SEMA5A: variants seen among roughly 807,000 people sequenced by gnomAD.
SEMA5A encodes the protein semaphorin-5A.
In SEMA5A, 55 loss-of-function variants were observed where a neutral mutation model predicts 135.5. The observed-to-expected ratio is 0.41, with a 90% CI of 0.33 to 0.51. SEMA5A has a LOEUF of 0.51. Among genes scored for constraint, SEMA5A ranks in the 20% least tolerant of loss-of-function variants. SEMA5A has a pLI of 0.37. For synonymous variants in SEMA5A, 580 were observed against 546.5 expected, an observed-to-expected ratio of 1.06 and a Z score of -0.85; for missense variants, 1,290 against 1,419.9, an observed-to-expected ratio of 0.91 and a Z score of 1.47.
At chr5:9,480,012 A>G (rs1033175735) in intron 1 of SEMA5A, among the ~76,000 whole-genome samples, 1 of 152,210 alleles carries the variant, frequency 6.6e-6, no homozygotes, top group Admixed American at 6.5e-5. Context: ...CGTTTAAACC[A>G]AGAGTACTCC....
chr5:9,273,947 C>G (rs184320534), intron 5 of SEMA5A, among the ~76,000 whole-genome samples: 2 of 152,174 alleles, frequency 1.3e-5, no homozygotes, highest in African/African-American at 4.8e-5. Flanking sequence ...GGCAAAATAA[C>G]CAGCTAGCAT....
chr5:9,343,359 C>T (rs1272624871), intron 3 of SEMA5A, among the ~76,000 whole-genome samples: 1 of 152,104 alleles, frequency 6.6e-6, no homozygotes, highest in Non-Finnish European at 1.5e-5. Flanking sequence ...CTAAACCACT[C>T]AACTCCAATA....
intron 1 of SEMA5A, among the ~76,000 whole-genome samples, chr5:9,462,175 A>T (rs1002297984): frequency 6.6e-6 from 1 of 152,212 alleles, no homozygotes; most frequent in African/African-American, 2.4e-5. Context: ...TTACATGAGC[A>T]CACTTTTTAA....
In SEMA5A at chr5:9,190,430, C is replaced by G; in HGVS notation, c.1110G>C (p.Glu370Asp). 2.5e-6 allele frequency: 4 copies of G among 1,613,910 alleles called. No individual in the cohort carries two copies. Among genetic ancestry groups the G allele is most frequent in the Non-Finnish European group, 3.4e-6 (4 of 1,180,032 alleles). The change falls in exon 11 of 23, where the codon GAG becomes GAC. Residue 370 changes from glutamate to aspartate, a missense_variant. By Grantham distance (45) the Glu-to-Asp change is conservative. Around this residue, in one of 3 missense-constraint regions of SEMA5A, gnomAD observed 1,029 missense variants for 1,086.6 expected, o/e 0.95. Coordinates refer to ENST00000382496, the MANE Select transcript of SEMA5A (RefSeq NM_003966.3). ...ACTTCTGAGCATCCTGCAGATTTCT[C>G]TCGGTCAGGTTCACGTACAGGCCCT... ...VDQGLYVNLT[E>D]RNLQDAQKFI...
Position 9,272,550 on chromosome 5 carries a change from C to T in SEMA5A, c.271-34660G>A, listed in dbSNP as rs753109643. Among the ~76,000 whole-genome samples, 33 of 152,130 alleles carry T rather than the reference C, an allele frequency of 2.2e-4. 1 individual carries two copies. The highest frequency in any genetic ancestry group is 8.5e-4 in the Admixed American group (13 of 15,280). On this transcript the variant is annotated intron_variant, in intron 5 of 22. Coordinates refer to ENST00000382496, the MANE Select transcript of SEMA5A (RefSeq NM_003966.3). ...GCCTCCTTAAGTGGGTCCCTGATCC[C>T]GGTGTATCGTGAATGTGAGACACCT...
At chr5:9,385,603 T>C (rs1436560737) in intron 2 of SEMA5A, among the ~76,000 whole-genome samples, 1 of 152,114 alleles carries the variant, frequency 6.6e-6, no homozygotes, top group Non-Finnish European at 1.5e-5. Context: ...GTGAGTGAGC[T>C]GACCTAGTGA....
At position 9,484,057 on chromosome 5, in the gene SEMA5A, C is replaced by T. The variant is rs3777357; in HGVS notation, c.-174-46205G>A. Among the ~76,000 whole-genome samples, 333 of 152,306 alleles carry T rather than the reference C, an allele frequency of 2.2e-3. 2 individuals are homozygous for T. In the East Asian group the frequency reaches 0.029, roughly 13 times the overall value. On this transcript the variant is annotated intron_variant, in intron 1 of 22. Coordinates refer to ENST00000382496, the MANE Select transcript of SEMA5A (RefSeq NM_003966.3). ...GGCAGGGTCCCAGGAAGTACTAAAT[C>T]AAATCCTGCCACTTCACAATAACAA...
intron 12 of SEMA5A, among the ~76,000 whole-genome samples, chr5:9,141,381 T>C (rs1742055838): frequency 6.6e-6 from 1 of 152,232 alleles, no homozygotes; most frequent in African/African-American, 2.4e-5. Context: ...TGTAAACATA[T>C]GTCATAGCAT....
At chr5:9,236,670 G>T (rs1747929813) in intron 6 of SEMA5A, among the ~76,000 whole-genome samples, 1 of 152,148 alleles carries the variant, frequency 6.6e-6, no homozygotes, top group Admixed American at 6.5e-5. Flanking sequence ...TATCTCTGAT[G>T]ATTTAACTCA....
At position 9,035,271 on chromosome 5, in the gene SEMA5A, T is replaced by G. The variant is rs1735585846; in HGVS notation, c.*7626A>C. 6.6e-6 allele frequency: 1 copy of G among 152,170 alleles called. No homozygotes were observed. The highest frequency in any genetic ancestry group is 1.5e-5 in the Non-Finnish European group (1 of 68,044). 9.4% of individuals were successfully genotyped at this position (152,170 alleles called of 1,614,324 possible). On this transcript the variant is annotated 3_prime_UTR_variant, in exon 23 of 23. Coordinates refer to ENST00000382496, the MANE Select transcript of SEMA5A (RefSeq NM_003966.3). ...TCTTCAGAATGCTTTTTCATAAAGA[T>G]GAATAGGGTTGAGATACAGAAACTG...
intron 13 of SEMA5A, among the ~76,000 whole-genome samples, chr5:9,130,592 T>C (rs1412670509): frequency 6.6e-6 from 1 of 152,106 alleles, no homozygotes; most frequent in Non-Finnish European, 1.5e-5. Flanking sequence ...GAAGCAAAAA[T>C]ATCCATCCCT....
rs150967274 is a variant in SEMA5A, at chr5:9,410,263, A to G, written c.-78+27493T>C. On this transcript the variant is annotated intron_variant, in intron 2 of 22. Coordinates refer to ENST00000382496, the MANE Select transcript of SEMA5A (RefSeq NM_003966.3). ...TTAAATATAACAATGCACTCCAGAA[A>G]TGGATACTAAGATCTTATTTAAAAT... 5.9e-5 allele frequency among the ~76,000 whole-genome samples: 9 copies of G among 152,344 alleles called. No homozygotes were observed. In the East Asian group the frequency reaches 1.7e-3, roughly 29 times the overall value.
intron 5 of SEMA5A, among the ~76,000 whole-genome samples, chr5:9,246,834 G>A (rs1748506741): frequency 6.6e-6 from 1 of 152,152 alleles, no homozygotes; most frequent in South Asian, 2.1e-4. Context: ...CTTTTACAAG[G>A]CTAAGTTTGT....
At chr5:9,109,998 G>T in intron 15 of SEMA5A, among the ~76,000 whole-genome samples, 1 of 152,098 alleles carries the variant, frequency 6.6e-6, no homozygotes, top group East Asian at 1.9e-4. Context: ...TCAGGAACAG[G>T]GACAATGTGA....
At chr5:9,238,053 G>A (rs760246349) in intron 5 of SEMA5A, among the ~76,000 whole-genome samples, 163 bp from the exon 6 acceptor site, 1 of 152,160 alleles carries the variant, frequency 6.6e-6, no homozygotes, top group Non-Finnish European at 1.5e-5. Context: ...ATGAAATTTA[G>A]TCATGGGCTT....
chr5:9,335,903 A>T (rs1298972939), intron 4 of SEMA5A, among the ~76,000 whole-genome samples: 1 of 152,212 alleles, frequency 6.6e-6, no homozygotes, highest in African/African-American at 2.4e-5. Context: ...GAAATAAAGA[A>T]AAGACAGGCA....
At chr5:9,241,581 AAAG>A (rs1561062124) in intron 5 of SEMA5A, among the ~76,000 whole-genome samples, 1 of 151,484 alleles carries the variant, frequency 6.6e-6, no homozygotes, top group African/African-American at 2.4e-5. Flanking sequence ...AAAAAAAAAA[AAAG>A]AAGAGGCTTA....
At chr5:9,246,869 T>A (rs1748508822) in intron 5 of SEMA5A, among the ~76,000 whole-genome samples, 1 of 152,204 alleles carries the variant, frequency 6.6e-6, no homozygotes, top group Non-Finnish European at 1.5e-5. Context: ...CAAATCTTTC[T>A]TTCACACGCC....
chr5:9,267,970 A>C (rs1198047417), intron 5 of SEMA5A, among the ~76,000 whole-genome samples: 1 of 152,164 alleles, frequency 6.6e-6, no homozygotes, highest in Non-Finnish European at 1.5e-5. Context: ...GATCTGTTAG[A>C]GGAAGCTAAG....
Sources: allele counts gnomAD v4.1 joint callset (sites outside exome capture counted in the v4.1 genomes callset), GRCh38; gene constraint gnomAD v4.1.1; regional missense constraint gnomAD v4.1.1; transcripts MANE v1.5; gene names NCBI Gene and HGNC (gene_info 2026-07-23, HGNC 2026-07-21).